CSNK1G1: variants seen among roughly 807,000 people sequenced by gnomAD.
CSNK1G1 encodes the protein casein kinase 1 gamma 1.
Under a neutral mutation model 59.6 loss-of-function variants are expected in CSNK1G1, and 22 were observed. The observed-to-expected ratio is 0.37, with a 90% CI of 0.26 to 0.53. The LOEUF (loss-of-function observed/expected upper bound fraction) is 0.53. Among genes scored for constraint, CSNK1G1 ranks in the 20% least tolerant of loss-of-function variants. The pLI is 0.89. For synonymous variants in CSNK1G1, 179 were observed against 177.1 expected (o/e 1.01, Z -0.08); for missense variants, 384 against 519.5 (o/e 0.74, Z 2.54).
intron 1 of CSNK1G1, among the ~76,000 whole-genome samples, chr15:64,329,387 A>G (rs1412007196): frequency 1.3e-5 from 2 of 148,410 alleles, no homozygotes; most frequent in African/African-American, 5.0e-5. Context: ...AAGCCACTCA[A>G]CTACATGGAA....
chr15:64,332,774 T>G (rs986895246), intron 1 of CSNK1G1, among the ~76,000 whole-genome samples: 1 of 151,976 alleles, frequency 6.6e-6, no homozygotes, highest in African/African-American at 2.4e-5. Context: ...TTTAAAATTT[T>G]TCTTGCTCAT....
chr15:64,308,896 C>CAA (rs66686070), intron 1 of CSNK1G1, among the ~76,000 whole-genome samples: 5 of 144,334 alleles, frequency 3.5e-5, no homozygotes, highest in African/African-American at 7.7e-5. Flanking sequence ...GACTCTGTCT[C>CAA]AAAAAAAAAA....
intron 1 of CSNK1G1, among the ~76,000 whole-genome samples, chr15:64,301,368 C>CAAAAAAA (rs5813288): frequency 7.0e-6 from 1 of 142,312 alleles, no homozygotes; most frequent in Non-Finnish European, 1.5e-5. Flanking sequence ...GAAAATAAAG[C>CAAAAAAA]AAAAAAAAAA....
intron 2 of CSNK1G1, among the ~76,000 whole-genome samples, chr15:64,297,809 T>C (rs988289382): frequency 6.6e-6 from 1 of 152,040 alleles, no homozygotes; most frequent in African/African-American, 2.4e-5. Context: ...AGCCATGATG[T>C]AGGCTGACTG....
chr15:64,340,617 T>C (rs1437391279), intron 1 of CSNK1G1, among the ~76,000 whole-genome samples: 1 of 152,188 alleles, frequency 6.6e-6, no homozygotes, highest in East Asian at 1.9e-4. Context: ...CCTAATTACC[T>C]TGCAGCAAAG....
At chr15:64,325,253 TAC>T (rs1896781669) in intron 1 of CSNK1G1, among the ~76,000 whole-genome samples, 1 of 152,210 alleles carries the variant, frequency 6.6e-6, no homozygotes, top group Admixed American at 6.5e-5. Context: ...GGGATATAGC[TAC>T]AGTTACATTA....
At chr15:64,198,192 CTTTTTTT>C (rs893282431) in intron 10 of CSNK1G1, among the ~76,000 whole-genome samples, 38 of 110,564 alleles carry the variant, frequency 3.4e-4, no homozygotes, top group African/African-American at 1.1e-3. Flanking sequence ...ACAGGATATA[CTTTTTTT>C]TTTTTTTTTT....
intron 2 of CSNK1G1, among the ~76,000 whole-genome samples, chr15:64,297,913 T>C (rs761788686): frequency 3.3e-5 from 5 of 152,212 alleles, no homozygotes; most frequent in Non-Finnish European, 5.9e-5. Context: ...CAGCCCACTC[T>C]ATTGTCAGGA....
chr15:64,326,967 G>C (rs1231037114), intron 1 of CSNK1G1, among the ~76,000 whole-genome samples: 2 of 150,772 alleles, frequency 1.3e-5, no homozygotes, highest in South Asian at 2.1e-4. Flanking sequence ...TTTTCAGACC[G>C]GCTTAAAAAA....
chr15:64,264,501 G>A (rs998059821), intron 2 of CSNK1G1, among the ~76,000 whole-genome samples: 1 of 152,128 alleles, frequency 6.6e-6, no homozygotes, highest in African/African-American at 2.4e-5. Context: ...AAAGAGGAGG[G>A]GAATAATACT....
chr15:64,178,685 T>C (rs191589873), intron 11 of CSNK1G1, among the ~76,000 whole-genome samples: 2 of 152,062 alleles, frequency 1.3e-5, no homozygotes, highest in Admixed American at 1.3e-4. Context: ...TTTCACCATG[T>C]TGGCCAGGAT....
intron 10 of CSNK1G1, among the ~76,000 whole-genome samples, chr15:64,198,568 G>A (rs1038635046): frequency 1.3e-5 from 2 of 152,070 alleles, no homozygotes; most frequent in Non-Finnish European, 2.9e-5. Flanking sequence ...AGTTGCTGAT[G>A]AAAGGTTAGC....
At chr15:64,233,232 C>A (rs2082571660) in intron 4 of CSNK1G1, among the ~76,000 whole-genome samples, 1 of 152,094 alleles carries the variant, frequency 6.6e-6, no homozygotes, top group East Asian at 1.9e-4. Context: ...TGTATGAAGG[C>A]CAAACAATTT....
chr15:64,257,823 C>T (rs758262048), intron 3 of CSNK1G1, among the ~76,000 whole-genome samples: 17 of 152,164 alleles, frequency 1.1e-4, no homozygotes, highest in Non-Finnish European at 1.6e-4. Context: ...TGTGTCTGTT[C>T]GGTTAATCCT....
chr15:64,219,777 C>CCTT (rs1555500865), intron 4 of CSNK1G1, among the ~76,000 whole-genome samples: 1 of 136,314 alleles, frequency 7.3e-6, no homozygotes, highest in African/African-American at 2.8e-5. Context: ...CTTTTCTTTT[C>CCTT]TTTTTTTTTT....
chr15:64,316,547 A>AAAG (rs891774851), intron 1 of CSNK1G1, among the ~76,000 whole-genome samples: 8 of 151,484 alleles, frequency 5.3e-5, no homozygotes, highest in African/African-American at 1.9e-4. Flanking sequence ...AAAAAAAAAA[A>AAAG]AAAAAAAAAG....
At chr15:64,206,402 T>A (rs1376249523) in intron 7 of CSNK1G1, among the ~76,000 whole-genome samples, 4 of 151,810 alleles carry the variant, frequency 2.6e-5, no homozygotes, top group Non-Finnish European at 5.9e-5. Context: ...ATTGCACCAC[T>A]GCACTCCAGC....
chr15:64,195,751 G>T (rs2082030539), intron 10 of CSNK1G1, among the ~76,000 whole-genome samples: 1 of 152,174 alleles, frequency 6.6e-6, no homozygotes, highest in Non-Finnish European at 1.5e-5. Context: ...CTTTAGAGAG[G>T]AATCAGACCC....
chr15:64,280,395 T>G (rs76300194), intron 2 of CSNK1G1, among the ~76,000 whole-genome samples: 3 of 152,112 alleles, frequency 2.0e-5, no homozygotes, highest in South Asian at 2.1e-4. Context: ...TTTTTTTTTT[T>G]GTTTGTATTG....
Sources: allele counts gnomAD v4.1 joint callset (sites outside exome capture counted in the v4.1 genomes callset), GRCh38; gene constraint gnomAD v4.1.1; transcripts MANE v1.5; gene names NCBI Gene and HGNC (gene_info 2026-07-23, HGNC 2026-07-21).